ARAP2: variants seen among roughly 807,000 people sequenced by gnomAD.
ARAP2 encodes the protein arf-GAP with Rho-GAP domain, ANK repeat and PH domain-containing protein 2.
A neutral mutation model predicts 194.5 loss-of-function variants in ARAP2; 148 were observed. The observed-to-expected ratio is 0.76, with a 90% CI of 0.67 to 0.87. The LOEUF is 0.87. Ranked by LOEUF, ARAP2 falls within the 40% of genes least tolerant of loss-of-function variation. ARAP2 has a pLI of 0.00. For synonymous variants in ARAP2, 695 were observed against 683.5 expected, an observed-to-expected ratio of 1.02 and a Z score of -0.26; for missense variants, 2,128 against 1,989.7, an observed-to-expected ratio of 1.07 and a Z score of -1.32.
chr4:36,215,389 T>C (rs1009184999), intron 2 of ARAP2, among the ~76,000 whole-genome samples: 1 of 152,136 alleles, frequency 6.6e-6, no homozygotes, highest in Admixed American at 6.5e-5. Flanking sequence ...ATCTCAATGA[T>C]GAAAAGAAAT....
intron 8 of ARAP2, among the ~76,000 whole-genome samples, chr4:36,014,268 A>AAG: frequency 6.8e-6 from 1 of 146,748 alleles, no homozygotes; most frequent in African/African-American, 2.6e-5. Flanking sequence ...AAAGAAAGAA[A>AAG]GAAAGAAAGA....
At chr4:36,241,601 G>A (rs1287662532) in intron 1 of ARAP2, among the ~76,000 whole-genome samples, 1 of 152,020 alleles carries the variant, frequency 6.6e-6, no homozygotes, top group Non-Finnish European at 1.5e-5. Flanking sequence ...TATAAGAAAA[G>A]GTAAATGGCA....
chr4:36,151,187 C>T (rs1730883809), intron 15 of ARAP2, 143 bp from the exon 16 acceptor site: 4 of 742,772 alleles, frequency 5.4e-6, no homozygotes, highest in South Asian at 2.1e-5. Flanking sequence ...TATGTTATTG[C>T]TGCATGGGAT....
At chr4:36,178,934 G>C (rs1374969904) in intron 8 of ARAP2, among the ~76,000 whole-genome samples, 2 of 152,132 alleles carry the variant, frequency 1.3e-5, no homozygotes, top group Non-Finnish European at 2.9e-5. Context: ...ATTTGGAAGA[G>C]GGAAGAGAAT....
chr4:36,196,528 T>G (rs1304599645), intron 6 of ARAP2, among the ~76,000 whole-genome samples: 2 of 152,206 alleles, frequency 1.3e-5, no homozygotes, highest in East Asian at 3.9e-4. Flanking sequence ...GACTATTTGA[T>G]GTCTTCATCT....
intron 19 of ARAP2, among the ~76,000 whole-genome samples, chr4:36,135,613 T>C (rs1315316385): frequency 6.6e-6 from 1 of 151,810 alleles, no homozygotes; most frequent in Admixed American, 6.6e-5. Context: ...ATTGATCTTA[T>C]ATCATCTTTA....
chr4:36,089,062 C>T (rs1041754730), intron 28 of ARAP2, among the ~76,000 whole-genome samples: 2 of 152,072 alleles, frequency 1.3e-5, no homozygotes, highest in South Asian at 4.1e-4. Context: ...TGACCACCAT[C>T]CAAAACAGGA....
intron 28 of ARAP2, among the ~76,000 whole-genome samples, chr4:36,086,012 G>A (rs1384611721): frequency 2.0e-5 from 3 of 151,974 alleles, no homozygotes; most frequent in Non-Finnish European, 4.4e-5. Context: ...GGTAGTAAGT[G>A]CCCACAGTAG....
At chr4:36,135,510 C>G (rs375257758) in intron 19 of ARAP2, among the ~76,000 whole-genome samples, 1 of 151,744 alleles carries the variant, frequency 6.6e-6, no homozygotes, top group African/African-American at 2.4e-5. Context: ...TTTTCCACAA[C>G]ACTACAGCAG....
At chr4:36,160,295 A>C in intron 13 of ARAP2, 164 bp downstream of exon 13, 1 of 1,232,722 alleles carries the variant, frequency 8.1e-7, no homozygotes, top group South Asian at 2.6e-5. Context: ...TGAATCCTTA[A>C]ATGAAACAAG....
chr4:36,184,508 C>A (rs1450166017), intron 8 of ARAP2, among the ~76,000 whole-genome samples: 2 of 152,076 alleles, frequency 1.3e-5, no homozygotes, highest in Non-Finnish European at 2.9e-5. Flanking sequence ...TATACTGCCC[C>A]AAGTTTATAT....
Position 36,128,706 on chromosome 4 carries a change from G to C in ARAP2, c.3467C>G (p.Pro1156Arg), listed in dbSNP as rs1560490454. ...CTCCAGGAGTTCACTTATATGCAAA[G>C]GATCACCATTCTTTTGATAGATATA... The part of the protein sequence containing the change: ...CKYIYQKNGD[P>R]LHISELLESF... The change falls in exon 21 of 33, where the codon CCT becomes CGT. Residue 1156 changes from proline (P) to arginine (R), a missense_variant. By Grantham distance (103) the Pro-to-Arg change is moderately radical. Coordinates refer to ENST00000303965, the MANE Select transcript of ARAP2 (RefSeq NM_015230.4). The C allele has an allele frequency of 3.1e-6, 5 of 1,612,166 alleles. No individual in the cohort carries two copies. The highest frequency in any genetic ancestry group is 2.7e-5 in the African/African-American group (2 of 74,788).
At chr4:36,101,057 T>G (rs1648506804) in intron 27 of ARAP2, among the ~76,000 whole-genome samples, 1 of 152,048 alleles carries the variant, frequency 6.6e-6, no homozygotes, top group Non-Finnish European at 1.5e-5. Flanking sequence ...GCATAGCTAT[T>G]TGCATAGCAT....
Position 36,229,298 on chromosome 4 carries a change from C to T in ARAP2, c.189G>A (p.Gln63=). 6.2e-7 allele frequency: 1 copy of T among 1,614,010 alleles called. No individual in the cohort carries two copies. Among genetic ancestry groups the T allele is most frequent in the Non-Finnish European group, 8.5e-7 (1 of 1,179,958 alleles). The change falls in exon 2 of 33, where the codon CAG becomes CAA. Residue 63 remains glutamine, a synonymous_variant. Transcript: ENST00000303965. ...PTGHRRRILK[Q]LQIILSKMQD... is the part of the protein sequence containing the mutation. ...GCATTTTTGACAAGATTATCTGTAA[C>T]TGTTTAAGTATCCTCCTACGGTGAC... is the stretch of plus-strand genomic sequence containing the variant.
chr4:36,052,161 T>C (rs1722776409), intron 2 of ARAP2: 1 of 152,082 alleles, frequency 6.6e-6, no homozygotes, highest in East Asian at 1.9e-4. Context: ...TAACAAACAA[T>C]AAAATGCGAC....
chr4:36,120,961 T>A (rs1459830872), intron 23 of ARAP2, among the ~76,000 whole-genome samples: 2 of 151,594 alleles, frequency 1.3e-5, no homozygotes, highest in Non-Finnish European at 3.0e-5. Context: ...CAAACAGATA[T>A]CAGATGGTAA....
At chr4:36,027,726 G>A (rs1026017969) in intron 5 of ARAP2, among the ~76,000 whole-genome samples, 4 of 152,062 alleles carry the variant, frequency 2.6e-5, no homozygotes, top group African/African-American at 7.2e-5. Context: ...GACACAGAGA[G>A]GTTAAGTGAC....
intron 27 of ARAP2, among the ~76,000 whole-genome samples, chr4:36,105,532 G>A (rs1168145484): frequency 6.6e-6 from 1 of 151,900 alleles, no homozygotes; most frequent in Non-Finnish European, 1.5e-5. Flanking sequence ...AAGATGTAAT[G>A]GGATAGGTGG....
At chr4:36,106,608 T>A (rs914159546) in intron 27 of ARAP2, among the ~76,000 whole-genome samples, 2 of 152,028 alleles carry the variant, frequency 1.3e-5, no homozygotes, top group South Asian at 2.1e-4. Flanking sequence ...AGCTGTACCA[T>A]CCTCCCCACC....
Sources: allele counts gnomAD v4.1 joint callset (sites outside exome capture counted in the v4.1 genomes callset), GRCh38; gene constraint gnomAD v4.1.1; transcripts MANE v1.5; gene names NCBI Gene and HGNC (gene_info 2026-07-23, HGNC 2026-07-21).